The following DIABLO variants were observed in gnomAD, a reference collection of about 807,000 sequenced individuals.
DIABLO encodes diablo homolog, mitochondrial.
A neutral mutation model predicts 31.7 loss-of-function variants in DIABLO; 32 were observed. The observed-to-expected ratio is 1.01, with a 90% confidence interval of 0.76 to 1.35. DIABLO has a LOEUF of 1.35. Ranked by LOEUF, DIABLO falls within the 40% of genes most tolerant of loss-of-function variation. The pLI, the probability that DIABLO is intolerant of heterozygous loss-of-function variation, is 0.00. For missense variants in DIABLO, 316 were observed against 286.4 expected, an observed-to-expected ratio of 1.10 and a Z score of -0.75; for synonymous variants, 132 against 103.2, an observed-to-expected ratio of 1.28 and a Z score of -1.69.
chr12:122,225,945 C>A lies in DIABLO; in HGVS notation c.50+20G>T. 1 of 1,582,956 alleles carries A rather than the reference C, an allele frequency of 6.3e-7. No individual in the cohort carries two copies. The highest frequency in any genetic ancestry group is 2.3e-5 in the East Asian group (1 of 43,324). ...GTCCCTCCCTCTGGTCCTGTCCCCT[C>A]TACGCGGCCGCAGCGGTACCTGAAG... On this transcript the variant is annotated intron_variant, in intron 1 of 5. Coordinates refer to ENST00000464942, the MANE Select transcript of DIABLO (RefSeq NM_001371333.1).
At chr12:122,212,694 T>C (rs528834048) in intron 5 of DIABLO, among the ~76,000 whole-genome samples, 14 of 150,792 alleles carry the variant, frequency 9.3e-5, no homozygotes, top group African/African-American at 3.5e-4. Context: ...GTGTGATCTC[T>C]GCTCACTGCA....
At position 122,208,490 on chromosome 12, in the gene DIABLO, G is replaced by C. The variant is rs1343006878; in HGVS notation, c.611C>G (p.Ala204Gly). The C allele has an allele frequency of 6.2e-7, 1 of 1,614,030 alleles. No homozygotes were observed. The change falls in exon 6 of 6, where the codon GCA (alanine) becomes GGA (glycine). Residue 204 changes from alanine to glycine, a missense_variant. Ala to Gly is a moderately conservative substitution (Grantham distance 60). Transcript: ENST00000464942. The part of the protein sequence containing the change: ...VEEVHQLSRK[A>G]ETKLAEAQIE... Reference sequence around the variant, plus strand: ...CTGTGCTTCTGCCAGCTTGGTTTCTGCTTTCCGGGAGAGCTGGTGCACCTC... The same window carrying C: ...CTGTGCTTCTGCCAGCTTGGTTTCTCCTTTCCGGGAGAGCTGGTGCACCTC...
chr12:122,223,175 C>T (rs1263080686), intron 2 of DIABLO, among the ~76,000 whole-genome samples: 1 of 152,068 alleles, frequency 6.6e-6, no homozygotes, highest in Non-Finnish European at 1.5e-5. Context: ...TGGCTCAGGC[C>T]TGTAATCCCA....
rs773101832 is a variant in DIABLO at position 122,216,595 on chromosome 12, C to G, written c.427-11G>C. 3.7e-6 allele frequency: 6 copies of G among 1,613,364 alleles called. No homozygotes were observed. The Admixed American group carries it at 8.3e-5, about 22-fold the overall frequency. ...GTGTTTTGAAGTCATCTATATAAATCAAGCAAAGTGCTTCAGACAGCATAA... is the reference window on the plus strand; with the variant it reads ...GTGTTTTGAAGTCATCTATATAAATGAAGCAAAGTGCTTCAGACAGCATAA... On this transcript the variant is annotated splice_polypyrimidine_tract_variant and intron_variant, in intron 4 of 5. Transcript: ENST00000464942.
At position 122,208,299 on chromosome 12, in the gene DIABLO, C is replaced by G. The variant is rs745792304; in HGVS notation, c.*82G>C. ...CTGCCGCCTCTTCTCGGTGCACAGACAGTCATGCCAACCCTGGGCAGGGTG... is the reference window on the plus strand; with the variant it reads ...CTGCCGCCTCTTCTCGGTGCACAGAGAGTCATGCCAACCCTGGGCAGGGTG... On this transcript the variant is annotated 3_prime_UTR_variant, in exon 6 of 6. Transcript: ENST00000464942. The G allele has an allele frequency of 1.6e-4, 251 of 1,529,078 alleles. No individual in the cohort carries two copies. Among genetic ancestry groups the G allele is most frequent in the Non-Finnish European group, 2.1e-4 (237 of 1,114,236 alleles). The allele number at this position is 1,529,078 out of a possible 1,614,324, so 94.7% of individuals were successfully genotyped here. A position where few individuals can be genotyped will look rare whatever the true frequency, so the allele number is the denominator to read the frequency against.
chr12:122,222,907 G>T (rs78847754), intron 2 of DIABLO, among the ~76,000 whole-genome samples: 7,528 of 152,018 alleles, frequency 0.05, 627 homozygotes, highest in African/African-American at 0.17. Context: ...ACAGGCCACA[G>T]ACCAGTACCA....
At position 122,213,292 on chromosome 12, in the gene DIABLO, G is replaced by A. The variant is rs183578947; in HGVS notation, c.523+3196C>T. On this transcript the variant is annotated intron_variant, in intron 5 of 5. Transcript: ENST00000464942. ...TGTCTGTAATCCCAGCAGTTTGAGA[G>A]GCCAAGGCGGGTGGATCACTTGAGC... 1.1e-4 allele frequency among the ~76,000 whole-genome samples: 17 copies of A among 151,860 alleles called. No homozygotes were observed. The East Asian group carries it at 2.9e-3, about 26-fold the overall frequency.
At chr12:122,220,806 T>C (rs1954318855) in intron 2 of DIABLO, 1 of 152,236 alleles carries the variant, frequency 6.6e-6, no homozygotes, top group Admixed American at 6.5e-5. Flanking sequence ...TCAAGAACTT[T>C]ATATTTCAAA....
chr12:122,225,227 G>GAAAAAA (rs143195410), intron 1 of DIABLO: 4 of 181,140 alleles, frequency 2.2e-5, no homozygotes, highest in African/African-American at 5.7e-5. Flanking sequence ...AAAACAAAAA[G>GAAAAAA]AAAAAAAAAA....
At chr12:122,226,496 G>A (rs1217716617), upstream of DIABLO, 4 of 699,298 alleles carry the variant, frequency 5.7e-6, no homozygotes, top group Non-Finnish European at 5.2e-6. Context: ...GCACCGTGTA[G>A]CTGAGGAGCA....
Position 122,208,213 on chromosome 12 carries a change from G to T in DIABLO, c.*168C>A. Reference sequence around the variant, plus strand: ...TAAGAACCAGGTCCAGCGCAAGCCTGAGACCACAGGAGGCACTCACAGCTC... The same window carrying T: ...TAAGAACCAGGTCCAGCGCAAGCCTTAGACCACAGGAGGCACTCACAGCTC... On this transcript the variant is annotated 3_prime_UTR_variant, in exon 6 of 6. Transcript: ENST00000464942. The T allele has an allele frequency of 1.3e-6, 1 of 791,628 alleles. No individual in the cohort carries two copies. The highest frequency in any genetic ancestry group is 2.1e-6 in the Non-Finnish European group (1 of 468,940). 49.0% of individuals were successfully genotyped at this position (791,628 alleles called of 1,614,324 possible). A position where few individuals can be genotyped will look rare whatever the true frequency, so the allele number is the denominator to read the frequency against.
chr12:122,218,981 T>A (rs1954277332), intron 2 of DIABLO, among the ~76,000 whole-genome samples: 2 of 139,952 alleles, frequency 1.4e-5, no homozygotes. Context: ...ACGCCTGTAA[T>A]CCCAGCACTT....
chr12:122,218,458 A>G (rs1954263989), intron 2 of DIABLO, 61 bp from the exon 3 acceptor site: 4 of 1,609,502 alleles, frequency 2.5e-6, no homozygotes, highest in East Asian at 2.2e-5. Flanking sequence ...TTTTTCACCA[A>G]TAGGCAAGCA....
chr12:122,216,623 G>A lies in DIABLO; in HGVS notation c.427-39C>T, dbSNP rs765502899. 2.5e-6 allele frequency: 4 copies of A among 1,594,952 alleles called. No individual in the cohort carries two copies. In the African/African-American group the frequency reaches 4.0e-5, roughly 16 times the overall value. ...GCAAAGTGCTTCAGACAGCATAAGA[G>A]GTCTAGCCCATTTAAATGGACTTAA... On this transcript the variant is annotated intron_variant, in intron 4 of 5. Coordinates refer to ENST00000464942, the MANE Select transcript of DIABLO (RefSeq NM_001371333.1).
At chr12:122,225,282 GGAGGCT>G (rs1274399043) in intron 1 of DIABLO, 1 of 524,224 alleles carries the variant, frequency 1.9e-6, no homozygotes, top group African/African-American at 2.1e-5. Flanking sequence ...CAGCTACTCG[GGAGGCT>G]GAGGCTGAGA....
chr12:122,218,126 A>T, intron 3 of DIABLO, 140 bp downstream of exon 3: 1 of 1,036,734 alleles, frequency 9.6e-7, no homozygotes, highest in Non-Finnish European at 1.4e-6. Flanking sequence ...ATCCTCAAAA[A>T]CCGTTATTGA....
At chr12:122,225,743 C>G (rs921571622) in intron 1 of DIABLO, 111 of 1,432,964 alleles carry the variant, frequency 7.7e-5, no homozygotes, top group Non-Finnish European at 9.7e-5. Context: ...CTCGGGGACT[C>G]GTTTCTAGAA....
At position 122,226,038 on chromosome 12, in the gene DIABLO, G is replaced by C. The variant is rs775730016; in HGVS notation, c.-24C>G. The C allele has an allele frequency of 5.0e-6, 8 of 1,596,530 alleles. No homozygotes were observed. In the South Asian group the frequency reaches 7.9e-5, roughly 16 times the overall value. Reference sequence around the variant, plus strand: ...ATTGTGCAGCGCGCGGACGCCAGACGCACACGCCGGAAGTGACGCAGCTTC... The same window carrying C: ...ATTGTGCAGCGCGCGGACGCCAGACCCACACGCCGGAAGTGACGCAGCTTC... On this transcript the variant is annotated 5_prime_UTR_variant, in exon 1 of 6. Coordinates refer to ENST00000464942, the MANE Select transcript of DIABLO (RefSeq NM_001371333.1).
At chr12:122,222,050 C>G (rs896801582) in intron 2 of DIABLO, 2 of 152,114 alleles carry the variant, frequency 1.3e-5, no homozygotes, top group Non-Finnish European at 2.9e-5. Flanking sequence ...TGAACACACA[C>G]GTTAAGTGGC....
Sources: allele counts gnomAD v4.1 joint callset (sites outside exome capture counted in the v4.1 genomes callset), GRCh38; gene constraint gnomAD v4.1.1; transcripts MANE v1.5; gene names NCBI Gene and HGNC (gene_info 2026-07-23, HGNC 2026-07-21).